The following TMCO6 variants were observed in gnomAD, a reference collection of about 807,000 sequenced individuals.
TMCO6 encodes the protein transmembrane and coiled-coil domain-containing protein 6.
A neutral mutation model predicts 61.8 loss-of-function variants in TMCO6; 47 were observed. The observed-to-expected ratio is 0.76, with a 90% CI of 0.60 to 0.97. The LOEUF is 0.97. Among genes scored for constraint, TMCO6 ranks in the 50% least tolerant of loss-of-function variants. The probability of loss-of-function intolerance (pLI) is 0.00; values close to 1 mark genes in which losing one functional copy is unlikely to be tolerated. For synonymous variants in TMCO6, 261 were observed against 254.2 expected (o/e 1.03, Z -0.25); for missense variants, 557 against 601.6 (o/e 0.93, Z 0.78).
the TMCO6 span, chr5:140,632,002 C>G: frequency 1.2e-6 from 2 of 1,613,978 alleles, no homozygotes; most frequent in South Asian, 1.1e-5. The surrounding 1 kb of genome is among the most constrained non-coding windows in gnomAD (Gnocchi z 6.2). Flanking sequence ...AAGGGATTCC[C>G]GTCCAGTGTC....
chr5:140,608,249 T>G, the TMCO6 span, among the ~76,000 whole-genome samples: 3 of 152,248 alleles, frequency 2.0e-5, no homozygotes, highest in African/African-American at 7.2e-5. Flanking sequence ...ATTTTACTAA[T>G]GAATAATAAT....
the TMCO6 span, among the ~76,000 whole-genome samples, chr5:140,627,330 G>T: frequency 6.6e-6 from 1 of 152,098 alleles, no homozygotes. Flanking sequence ...AGAGGGCATG[G>T]CTAACTCCAC....
chr5:140,604,393 C>CA, the TMCO6 span, among the ~76,000 whole-genome samples: 1 of 151,630 alleles, frequency 6.6e-6, no homozygotes, highest in African/African-American at 2.4e-5. Flanking sequence ...GATTCTGTCT[C>CA]AAAAAAATAA....
chr5:140,597,480 C>T, the TMCO6 span, among the ~76,000 whole-genome samples: 5 of 152,176 alleles, frequency 3.3e-5, no homozygotes, highest in Non-Finnish European at 7.3e-5. Flanking sequence ...TGGCTTCATC[C>T]TTTCAGACCT....
At chr5:140,632,296 G>T in the TMCO6 span, 1 of 1,613,956 alleles carries the variant, frequency 6.2e-7, no homozygotes, top group African/African-American at 1.3e-5. This position sits in a 1 kb window ranked among gnomAD's most constrained non-coding sequence, Gnocchi z 6.2. Flanking sequence ...CCTGTGTTGC[G>T]CAGCGCTAGA....
the TMCO6 span, among the ~76,000 whole-genome samples, chr5:140,598,145 G>T: frequency 1.3e-5 from 2 of 151,882 alleles, no homozygotes; most frequent in African/African-American, 4.8e-5. Context: ...TTAAACAAGT[G>T]CTTCATAACT....
upstream of TMCO6, among the ~76,000 whole-genome samples, chr5:140,635,202 A>G (rs1403513045): frequency 6.6e-6 from 1 of 152,254 alleles, no homozygotes; most frequent in African/African-American, 2.4e-5. Context: ...GGCATACCCC[A>G]ATGCACTGGG....
upstream of TMCO6, among the ~76,000 whole-genome samples, chr5:140,636,334 A>G (rs1756769711): frequency 6.6e-6 from 1 of 151,938 alleles, no homozygotes; most frequent in African/African-American, 2.4e-5. Context: ...GGTTAGGTGC[A>G]GTGGCTCATG....
the TMCO6 span, among the ~76,000 whole-genome samples, chr5:140,614,634 A>G: frequency 6.6e-6 from 1 of 150,734 alleles, no homozygotes; most frequent in Non-Finnish European, 1.5e-5. Flanking sequence ...TTTTTTCGAG[A>G]CAGAGTCTCG....
At chr5:140,619,542 G>A in the TMCO6 span, among the ~76,000 whole-genome samples, 1 of 151,962 alleles carries the variant, frequency 6.6e-6, no homozygotes, top group African/African-American at 2.4e-5. Context: ...CAGACTTGGG[G>A]GGTATGCCTG....
the TMCO6 span, among the ~76,000 whole-genome samples, chr5:140,604,100 G>T: frequency 6.6e-6 from 1 of 152,174 alleles, no homozygotes; most frequent in Admixed American, 6.5e-5. Flanking sequence ...GATCAATGAT[G>T]TTGAACATCT....
At position 140,639,536 on chromosome 5, in the gene TMCO6, C is replaced by A; in HGVS notation, c.9C>A (p.Ser3Arg). The change falls in exon 1 of 12, where the codon AGC (serine) becomes AGA (arginine). Residue 3 changes from serine (S) to arginine (R), a missense_variant. Ser to Arg is a moderately radical substitution (Grantham distance 110). Transcript: ENST00000394671. Reference sequence around the variant, plus strand: ...CCTCCTCCTGCTCCACCATGTGGAGCCGACGGCAGGGCCGCCTCAGGCCCA... The same window carrying A: ...CCTCCTCCTGCTCCACCATGTGGAGACGACGGCAGGGCCGCCTCAGGCCCA... MW[S>R]RRQGRLRPTV... 1 of 1,549,980 alleles carries A rather than the reference C, an allele frequency of 6.5e-7. No homozygotes were observed. Among genetic ancestry groups the A allele is most frequent in the East Asian group, 2.4e-5 (1 of 40,898 alleles).
the TMCO6 span, among the ~76,000 whole-genome samples, chr5:140,618,435 AAAAG>A: frequency 6.6e-6 from 1 of 152,136 alleles, no homozygotes; most frequent in Non-Finnish European, 1.5e-5. Context: ...TCAAAAAAGA[AAAAG>A]AAAAAGGAGC....
chr5:140,614,816 G>A, the TMCO6 span, among the ~76,000 whole-genome samples: 1 of 152,022 alleles, frequency 6.6e-6, no homozygotes, highest in Admixed American at 6.6e-5. Context: ...GGGTTTCACC[G>A]TGTTAGCCAG....
the TMCO6 span, among the ~76,000 whole-genome samples, chr5:140,601,082 T>TA: frequency 6.6e-6 from 1 of 152,186 alleles, no homozygotes; most frequent in South Asian, 2.1e-4. Context: ...CCCCTTCACA[T>TA]AAATCCCATC....
chr5:140,599,013 A>AT, the TMCO6 span, among the ~76,000 whole-genome samples: 1 of 152,200 alleles, frequency 6.6e-6, no homozygotes, highest in African/African-American at 2.4e-5. Context: ...GGCTGCCAGC[A>AT]TTTGTTCAAT....
At chr5:140,629,312 AT>A in the TMCO6 span, among the ~76,000 whole-genome samples, 3,086 of 150,396 alleles carry the variant, frequency 0.021, 99 homozygotes, top group African/African-American at 0.068. Flanking sequence ...ACTAAAAAAA[AT>A]AATAATAATA....
chr5:140,628,412 TG>T, the TMCO6 span, among the ~76,000 whole-genome samples: 1 of 152,120 alleles, frequency 6.6e-6, no homozygotes, highest in African/African-American at 2.4e-5. Flanking sequence ...TGAATGCCTC[TG>T]ACAGATGCAC....
chr5:140,634,377 A>G, the TMCO6 span, among the ~76,000 whole-genome samples: 1 of 152,202 alleles, frequency 6.6e-6, no homozygotes, highest in Non-Finnish European at 1.5e-5. Flanking sequence ...AAACAAAACA[A>G]AACAAAAAAA....
Sources: allele counts gnomAD v4.1 joint callset (sites outside exome capture counted in the v4.1 genomes callset), GRCh38; gene constraint gnomAD v4.1.1; non-coding constraint Gnocchi (gnomAD v3.1); transcripts MANE v1.5; gene names NCBI Gene and HGNC (gene_info 2026-07-23, HGNC 2026-07-21).